Variants in NGLY1 observed in about 807,000 individuals in gnomAD.
The protein encoded by NGLY1 is N-glycanase 1.
NGLY1 carries 68 observed loss-of-function variants against 84.6 expected under a neutral mutation model. The observed-to-expected ratio is 0.80, with a 90% confidence interval of 0.66 to 0.98. The LOEUF is 0.98. Ranked by LOEUF, NGLY1 falls within the 50% of genes least tolerant of loss-of-function variation. NGLY1 has a pLI of 0.00. For synonymous variants in NGLY1, 280 were observed against 275.2 expected (o/e 1.02, Z -0.17); for missense variants, 779 against 770.2 (o/e 1.01, Z -0.14).
rs371364572 is a variant in NGLY1, at chr3:25,720,206, G to T, written c.1612-15C>A. 162 of 1,595,350 alleles carry T rather than the reference G, an allele frequency of 1.0e-4. 1 individual carries two copies. Among genetic ancestry groups the T allele is most frequent in the East Asian group, 8.5e-4 (38 of 44,702 alleles). On this transcript the variant is annotated splice_polypyrimidine_tract_variant and intron_variant, in intron 10 of 11. Transcript: ENST00000280700. ...GCCAAATATACCTATAAGGAGTAGG[G>T]ATGGGGAGAAAGGAACTGTCAGAAA... is the stretch of plus-strand genomic sequence containing the variant.
chr3:25,744,248 T>C (rs938807480), intron 4 of NGLY1, among the ~76,000 whole-genome samples: 1 of 152,204 alleles, frequency 6.6e-6, no homozygotes, highest in Non-Finnish European at 1.5e-5. Context: ...TAGGCCAAGA[T>C]ATATTTTGTT....
intron 7 of NGLY1, chr3:25,734,686 T>C: frequency 1.5e-6 from 1 of 670,514 alleles, no homozygotes; most frequent in Non-Finnish European, 1.9e-6. Context: ...CACTCCAGCC[T>C]GGGCAAGAGG....
At chr3:25,734,461 G>C (rs1165963132) in intron 7 of NGLY1, 1 of 151,962 alleles carries the variant, frequency 6.6e-6, no homozygotes, top group Admixed American at 6.6e-5. Context: ...TCAGCACTTT[G>C]GGAGGCTGAG....
At chr3:25,731,012 C>G (rs549150399) in intron 9 of NGLY1, among the ~76,000 whole-genome samples, 199 of 152,136 alleles carry the variant, frequency 1.3e-3, no homozygotes, top group South Asian at 5.0e-3. Flanking sequence ...TGATTTTTAC[C>G]TAGTCCCTTA....
intron 3 of NGLY1, among the ~76,000 whole-genome samples, chr3:25,751,780 G>C (rs935485346): frequency 6.6e-6 from 1 of 152,228 alleles, no homozygotes; most frequent in Admixed American, 6.5e-5. Context: ...CTACAGAATA[G>C]GAAGTGTCCT....
chr3:25,786,256 G>A (rs956085854), upstream of NGLY1, among the ~76,000 whole-genome samples: 2 of 152,004 alleles, frequency 1.3e-5, no homozygotes, highest in African/African-American at 4.8e-5. Flanking sequence ...CCAGGAGGCA[G>A]AGGTTGCAGT....
At chr3:25,749,702 A>G (rs1706629738) in intron 4 of NGLY1, 3 of 1,583,772 alleles carry the variant, frequency 1.9e-6, no homozygotes, top group Admixed American at 1.7e-5. Context: ...CATGCTGCCC[A>G]GTGGCTTCCA....
At position 25,783,405 on chromosome 3, in the gene NGLY1, G is replaced by T; in HGVS notation, c.-15C>A. ...GCCGCCGCCATGCTTGAGCGCCAGC[G>T]GGCGCCGCCGCCGCCCCTCGCTCTC... On this transcript the variant is annotated 5_prime_UTR_variant, in exon 1 of 12. Coordinates refer to ENST00000280700, the MANE Select transcript of NGLY1 (RefSeq NM_018297.4). This position sits in a 1 kb window ranked among gnomAD's most constrained non-coding sequence, Gnocchi z 4.5. The T allele has an allele frequency of 6.6e-7, 1 of 1,523,170 alleles. No homozygotes were observed. The highest frequency in any genetic ancestry group is 8.8e-7 in the Non-Finnish European group (1 of 1,136,608). 94.4% of individuals were successfully genotyped at this position (1,523,170 alleles called of 1,614,324 possible).
intron 8 of NGLY1, among the ~76,000 whole-genome samples, chr3:25,733,376 C>T (rs1488525642): frequency 6.6e-6 from 1 of 151,682 alleles, no homozygotes; most frequent in African/African-American, 2.4e-5. Context: ...AAAAATTGAA[C>T]CTTTCATCTT....
chr3:25,729,041 GT>G, intron 10 of NGLY1, 91 bp downstream of exon 10: 1 of 882,248 alleles, frequency 1.1e-6, no homozygotes, highest in Admixed American at 3.2e-5. Flanking sequence ...TGATATATCA[GT>G]TTTCATATTT....
At chr3:25,736,340 A>G (rs1199367448) in intron 6 of NGLY1, 191 bp from the exon 7 acceptor site, 3 of 1,551,406 alleles carry the variant, frequency 1.9e-6, no homozygotes, top group South Asian at 1.2e-5. Context: ...TGAAATCCTT[A>G]AAAATGTTTT....
chr3:25,750,714 T>G (rs928667265), intron 4 of NGLY1, among the ~76,000 whole-genome samples: 1 of 152,214 alleles, frequency 6.6e-6, no homozygotes, highest in Non-Finnish European at 1.5e-5. Context: ...AATTATACTA[T>G]TATTGTACTT....
chr3:25,721,014 C>A (rs1001510491), intron 10 of NGLY1, among the ~76,000 whole-genome samples: 1 of 152,248 alleles, frequency 6.6e-6, no homozygotes, highest in Non-Finnish European at 1.5e-5. Flanking sequence ...CTTACTACTA[C>A]AGTTTGAACT....
chr3:25,779,461 CATAGTTTAGGATG>C (rs1242315574), intron 1 of NGLY1, among the ~76,000 whole-genome samples: 1 of 152,134 alleles, frequency 6.6e-6, no homozygotes, highest in African/African-American at 2.4e-5. Context: ...ACCCTCAGAA[CATAGTTTAGGATG>C]ATAAGTTTCA....
intron 2 of NGLY1, among the ~76,000 whole-genome samples, chr3:25,775,498 G>C (rs1708115295): frequency 6.6e-6 from 1 of 152,180 alleles, no homozygotes; most frequent in Non-Finnish European, 1.5e-5. Context: ...ATCATGGATG[G>C]AAATGGAGGG....
Position 25,720,023 on chromosome 3 carries a change from G to A in NGLY1, c.1780C>T (p.Leu594=), listed in dbSNP as rs2125442743. ...CCAGGCAAATGCTTACCGCCTGTCA[G>A]TTCTACTTGTGCTGTATCAGATCGC... ...KLRSDTAQVE[L]TGDNSLHSYA... Residue 594 remains leucine (L), a synonymous_variant, in exon 11 of 12, where the codon CTG becomes TTG. Transcript: ENST00000280700. The A allele has an allele frequency of 6.2e-7, 1 of 1,611,020 alleles. No homozygotes were observed. Among genetic ancestry groups the A allele is most frequent in the Non-Finnish European group, 8.5e-7 (1 of 1,178,090 alleles).
chr3:25,761,609 G>T (rs184631992), intron 3 of NGLY1, among the ~76,000 whole-genome samples: 4 of 152,304 alleles, frequency 2.6e-5, no homozygotes, highest in African/African-American at 9.6e-5. Flanking sequence ...TATTTCTGAT[G>T]ATAAAGTAAA....
At chr3:25,732,246 G>GT (rs1705572478) in intron 9 of NGLY1, 73 bp downstream of exon 9, 1 of 1,359,498 alleles carries the variant, frequency 7.4e-7, no homozygotes, top group Non-Finnish European at 1.0e-6. Context: ...TGCAGTTGGA[G>GT]GATAGTATAG....
intron 2 of NGLY1, among the ~76,000 whole-genome samples, chr3:25,769,059 T>C (rs191048316): frequency 6.6e-6 from 1 of 152,116 alleles, no homozygotes; most frequent in Non-Finnish European, 1.5e-5. Flanking sequence ...ACAAATCTCA[T>C]TTAAAAATGA....
Sources: allele counts gnomAD v4.1 joint callset (sites outside exome capture counted in the v4.1 genomes callset), GRCh38; gene constraint gnomAD v4.1.1; non-coding constraint Gnocchi (gnomAD v3.1); transcripts MANE v1.5; gene names NCBI Gene and HGNC (gene_info 2026-07-23, HGNC 2026-07-21).